Variants in DACH1 observed in about 807,000 individuals in gnomAD.
DACH1 encodes the protein dachshund homolog 1.
Under a neutral mutation model 54.2 loss-of-function variants are expected in DACH1, and 12 were observed. The observed-to-expected ratio is 0.22, with a 90% CI of 0.14 to 0.36. The LOEUF is 0.36. Among genes scored for constraint, DACH1 ranks in the 10% least tolerant of loss-of-function variants. The pLI, the probability that DACH1 is intolerant of heterozygous loss-of-function variation, is 1.00. For missense variants in DACH1, 805 were observed against 929.8 expected, an observed-to-expected ratio of 0.87 and a Z score of 1.75; for synonymous variants, 386 against 366.2, an observed-to-expected ratio of 1.05 and a Z score of -0.62.
At chr13:71,674,451 A>G (rs1398871233) in intron 2 of DACH1, among the ~76,000 whole-genome samples, 2 of 143,094 alleles carry the variant, frequency 1.4e-5, no homozygotes, top group Non-Finnish European at 3.0e-5. Flanking sequence ...ACACACACAC[A>G]CACACACACA....
chr13:71,839,163 C>T (rs529506104), intron 1 of DACH1, among the ~76,000 whole-genome samples: 2 of 152,206 alleles, frequency 1.3e-5, no homozygotes, highest in East Asian at 1.9e-4. Flanking sequence ...ATTAAGAATG[C>T]TTTTTTTCTT....
Position 71,779,231 on chromosome 13 carries a change from A to C in DACH1, c.848+86691T>G, listed in dbSNP as rs1170857615. Among the ~76,000 whole-genome samples, 5 of 97,392 alleles carry C rather than the reference A, an allele frequency of 5.1e-5. No homozygotes were observed. The East Asian group carries it at 1.6e-3, about 32-fold the overall frequency. 63.9% of individuals were successfully genotyped at this position (97,392 alleles called of 152,430 possible). On this transcript the variant is annotated intron_variant, in intron 1 of 10. Coordinates refer to ENST00000613252, the MANE Select transcript of DACH1 (RefSeq NM_080759.6). Reference sequence around the variant, plus strand: ...TGTATATATATACGTATATACGTATATATACACATATATACGTATATACGT... The same window carrying C: ...TGTATATATATACGTATATACGTATCTATACACATATATACGTATATACGT...
intron 6 of DACH1, among the ~76,000 whole-genome samples, chr13:71,493,754 T>G: frequency 6.6e-6 from 1 of 152,178 alleles, no homozygotes; most frequent in East Asian, 1.9e-4. Context: ...TAAAAATTTA[T>G]AAAAAATTAT....
chr13:71,663,346 T>C (rs1879630461), intron 2 of DACH1, among the ~76,000 whole-genome samples: 2 of 152,018 alleles, frequency 1.3e-5, no homozygotes, highest in African/African-American at 4.8e-5. Flanking sequence ...CTTTGTCATT[T>C]TAAATGTTTT....
intron 1 of DACH1, among the ~76,000 whole-genome samples, chr13:71,719,809 G>A (rs1391563263): frequency 6.6e-6 from 1 of 152,044 alleles, no homozygotes; most frequent in Non-Finnish European, 1.5e-5. Context: ...AGGCTGCACT[G>A]AGCTGTGATC....
At chr13:71,761,112 A>C (rs879862675) in intron 1 of DACH1, among the ~76,000 whole-genome samples, 9 of 152,126 alleles carry the variant, frequency 5.9e-5, no homozygotes, top group Non-Finnish European at 1.2e-4. Flanking sequence ...AAAAAGCTTG[A>C]ATTGAATAAA....
At chr13:71,651,254 C>T (rs771769693) in intron 2 of DACH1, among the ~76,000 whole-genome samples, 7 of 151,838 alleles carry the variant, frequency 4.6e-5, no homozygotes, top group Non-Finnish European at 1.5e-5. Flanking sequence ...GTAATCCCAG[C>T]ACTTTGGGAG....
At chr13:71,543,553 C>A (rs2138338059) in intron 6 of DACH1, among the ~76,000 whole-genome samples, 1 of 152,176 alleles carries the variant, frequency 6.6e-6, no homozygotes, top group East Asian at 1.9e-4. Flanking sequence ...ACAATGAGAA[C>A]TAACATGCTT....
At chr13:71,801,153 T>C (rs1477970095) in intron 1 of DACH1, among the ~76,000 whole-genome samples, 2 of 144,156 alleles carry the variant, frequency 1.4e-5, no homozygotes, top group Non-Finnish European at 3.2e-5. Context: ...CTGAACTCTT[T>C]GCCTTATGTG....
chr13:71,509,149 T>C (rs1047230145), intron 6 of DACH1, among the ~76,000 whole-genome samples: 3 of 152,132 alleles, frequency 2.0e-5, no homozygotes, highest in African/African-American at 7.2e-5. Flanking sequence ...TAATAAAATA[T>C]ATGATTTAAT....
At position 71,525,085 on chromosome 13, in the gene DACH1, T is replaced by G. The variant is rs1252245126; in HGVS notation, c.1570+31939A>C. 2.0e-5 allele frequency among the ~76,000 whole-genome samples: 3 copies of G among 152,300 alleles called. No homozygotes were observed. In the East Asian group the frequency reaches 5.8e-4, roughly 29 times the overall value. On this transcript the variant is annotated intron_variant, in intron 6 of 10. Coordinates refer to ENST00000613252, the MANE Select transcript of DACH1 (RefSeq NM_080759.6). ...TAATAACCAATTCACTGTGTCACTT[T>G]GGCTCTCCTTTGAAATAATGAGCCT...
rs111498099 is a variant in DACH1 at position 71,695,366 on chromosome 13, A to G, written c.849-13456T>C. Among the ~76,000 whole-genome samples, 409 of 152,356 alleles carry G rather than the reference A, an allele frequency of 2.7e-3. 6 individuals carry two copies. Among genetic ancestry groups the G allele is most frequent in the African/African-American group, 9.4e-3 (391 of 41,584 alleles). On this transcript the variant is annotated intron_variant, in intron 1 of 10. Transcript: ENST00000613252. ...CATGGCAGAAACAAGGCAGCAAAAT[A>G]TAACCCTCTCTCCAAAAGTCGTCTT...
chr13:71,801,403 G>A (rs1467243809), intron 1 of DACH1, among the ~76,000 whole-genome samples: 2 of 152,040 alleles, frequency 1.3e-5, no homozygotes, highest in African/African-American at 4.8e-5. Flanking sequence ...GGAATGTTTA[G>A]GACATGCCTA....
At chr13:71,596,895 G>A (rs1874137067) in intron 3 of DACH1, among the ~76,000 whole-genome samples, 1 of 152,202 alleles carries the variant, frequency 6.6e-6, no homozygotes, top group Admixed American at 6.5e-5. Flanking sequence ...AGAGGTTGAA[G>A]ACTTGGAGGG....
intron 2 of DACH1, among the ~76,000 whole-genome samples, chr13:71,657,574 A>G (rs9529908): frequency 0.81 from 108,197 of 134,310 alleles, 43,028 homozygotes; most frequent in Non-Finnish European, 0.92. Flanking sequence ...CCCTGTCTCA[A>G]ATAAAAAAAA....
At chr13:71,443,270 T>C (rs947574796) in intron 10 of DACH1, among the ~76,000 whole-genome samples, 5 of 151,648 alleles carry the variant, frequency 3.3e-5, no homozygotes, top group African/African-American at 1.2e-4. Flanking sequence ...AGAATAATAA[T>C]AATGATTACT....
intron 8 of DACH1, among the ~76,000 whole-genome samples, chr13:71,476,145 C>T (rs1044751506): frequency 2.6e-5 from 4 of 152,042 alleles, no homozygotes; most frequent in African/African-American, 7.2e-5. Flanking sequence ...TTTGTATTCA[C>T]TGATAAAGGA....
intron 1 of DACH1, among the ~76,000 whole-genome samples, chr13:71,722,150 G>C (rs1223344512): frequency 2.0e-5 from 3 of 152,134 alleles, no homozygotes; most frequent in Non-Finnish European, 2.9e-5. Context: ...ATACAATCAG[G>C]ATGAAAGTGA....
At chr13:71,546,348 A>G (rs1883465709) in intron 6 of DACH1, among the ~76,000 whole-genome samples, 1 of 152,016 alleles carries the variant, frequency 6.6e-6, no homozygotes, top group Non-Finnish European at 1.5e-5. Context: ...AAATTTTTTA[A>G]CTTGTATCTT....
Sources: gnomAD v4.1 joint callset for allele counts (sites outside exome capture counted in the v4.1 genomes callset) on GRCh38, gnomAD v4.1.1 for gene constraint, MANE v1.5 for transcripts, NCBI Gene and HGNC (gene_info 2026-07-23, HGNC 2026-07-21) for gene names.